The following ULK4 variants were observed in gnomAD, a reference collection of about 807,000 sequenced individuals.
ULK4 encodes the protein unc-51 like kinase 4, also known as inactive serine/threonine-protein kinase ULK4.
ULK4 carries 133 observed loss-of-function variants against 160.6 expected under a neutral mutation model. That is an observed-to-expected ratio of 0.83 (90% CI 0.72 to 0.96). ULK4 has a LOEUF of 0.96. ULK4 is among the 40% of genes least tolerant of loss of function. ULK4 has a pLI of 0.00. For missense variants in ULK4, 1,580 were observed against 1,499.5 expected (o/e 1.05, Z -0.89); for synonymous variants, 534 against 539.8 (o/e 0.99, Z 0.15).
rs2078650694 is a variant in ULK4, at chr3:41,246,733, AG to A, written c.*195del. On this transcript the variant is annotated 3_prime_UTR_variant, in exon 37 of 37. Coordinates refer to ENST00000301831, the MANE Select transcript of ULK4 (RefSeq NM_017886.4). ...TCCCAGATGCATTCCACAGGAACCA[AG>A]GAAGTCCATTCTGAGTCAGTTTTCT... The A allele has an allele frequency of 3.4e-6, 2 of 587,228 alleles. No individual in the cohort carries two copies. Among genetic ancestry groups the A allele is most frequent in the South Asian group, 2.4e-5 (1 of 41,816 alleles). The allele number at this position is 587,228 out of a possible 1,614,324, so 36.4% of individuals were successfully genotyped here. A position where few individuals can be genotyped will look rare whatever the true frequency, so the allele number is the denominator to read the frequency against.
At chr3:41,419,236 C>T (rs2082602156) in intron 34 of ULK4, among the ~76,000 whole-genome samples, 1 of 152,096 alleles carries the variant, frequency 6.6e-6, no homozygotes, top group African/African-American at 2.4e-5. Context: ...TCCATGACAG[C>T]AGTGTGCTCG....
intron 19 of ULK4, among the ~76,000 whole-genome samples, chr3:41,811,771 A>G (rs554496836): frequency 6.6e-6 from 1 of 152,098 alleles, no homozygotes; most frequent in Non-Finnish European, 1.5e-5. Context: ...TTATGATTCT[A>G]CTCAAGAGGA....
chr3:41,751,920 T>C lies in ULK4; in HGVS notation c.2321+2441A>G, dbSNP rs533994885. 1.1e-4 allele frequency among the ~76,000 whole-genome samples: 17 copies of C among 152,210 alleles called. No homozygotes were observed. The South Asian group carries it at 3.3e-3, about 30-fold the overall frequency. ...TATTCAAAATGCAACAGACAAACCATGGGGCTCAAATGGAGTGTGCCCAAA... is the reference window on the plus strand; with the variant it reads ...TATTCAAAATGCAACAGACAAACCACGGGGCTCAAATGGAGTGTGCCCAAA... On this transcript the variant is annotated intron_variant, in intron 22 of 36. Coordinates refer to ENST00000301831, the MANE Select transcript of ULK4 (RefSeq NM_017886.4).
At chr3:41,499,320 G>A (rs781672182) in intron 32 of ULK4, among the ~76,000 whole-genome samples, 9 of 152,160 alleles carry the variant, frequency 5.9e-5, no homozygotes, top group Non-Finnish European at 1.2e-4. Flanking sequence ...ATGAAGAGAA[G>A]AGTGCCTTGC....
At chr3:41,434,325 T>C (rs2082984776) in intron 34 of ULK4, among the ~76,000 whole-genome samples, 1 of 152,300 alleles carries the variant, frequency 6.6e-6, no homozygotes, top group Admixed American at 6.5e-5. Context: ...TTATATGTAC[T>C]GATATGGAAA....
chr3:41,768,194 G>GA (rs1426654329), intron 21 of ULK4, among the ~76,000 whole-genome samples: 1 of 152,142 alleles, frequency 6.6e-6, no homozygotes, highest in Non-Finnish European at 1.5e-5. Flanking sequence ...TGGTCTGCTG[G>GA]AAAAAATTGC....
chr3:41,458,827 C>T (rs113182531), intron 33 of ULK4, among the ~76,000 whole-genome samples: 1,646 of 149,008 alleles, frequency 0.011, 16 homozygotes, highest in Non-Finnish European at 0.016. Context: ...ACGATCTCGG[C>T]TTAGTGCAAC....
At chr3:41,443,438 G>A (rs1239968771) in intron 34 of ULK4, among the ~76,000 whole-genome samples, 1 of 152,168 alleles carries the variant, frequency 6.6e-6, no homozygotes, top group Non-Finnish European at 1.5e-5. Context: ...ATAAATAATG[G>A]ATGCATAGTA....
chr3:41,611,838 T>C (rs2125677802), intron 31 of ULK4, among the ~76,000 whole-genome samples: 1 of 152,186 alleles, frequency 6.6e-6, no homozygotes, highest in Admixed American at 6.5e-5. Flanking sequence ...ATAACCACAG[T>C]ATAAAGCCCT....
At chr3:41,909,494 C>G (rs1006338290) in intron 11 of ULK4, among the ~76,000 whole-genome samples, 7 of 152,102 alleles carry the variant, frequency 4.6e-5, no homozygotes, top group Admixed American at 1.3e-4. Flanking sequence ...GGCAGATCAC[C>G]TGAGCTCAGG....
chr3:41,256,390 G>A (rs1259314442), intron 35 of ULK4, among the ~76,000 whole-genome samples: 1 of 152,158 alleles, frequency 6.6e-6, no homozygotes, highest in African/African-American at 2.4e-5. Context: ...CAGAAGGTCA[G>A]ACACACAGAT....
At position 41,379,536 on chromosome 3, in the gene ULK4, C is replaced by T. The variant is rs148879098; in HGVS notation, c.3678+18543G>A. On this transcript the variant is annotated intron_variant, in intron 35 of 36. Transcript: ENST00000301831. ...GTTAAACAAGCCTCAATAACAATTT[C>T]ATGGCCATCACTGGGATACCGGTCT... 2.6e-5 allele frequency among the ~76,000 whole-genome samples: 4 copies of T among 152,328 alleles called. No homozygotes were observed. In the East Asian group the frequency reaches 5.8e-4, roughly 22 times the overall value.
chr3:41,793,176 A>G (rs2040201947), intron 20 of ULK4, among the ~76,000 whole-genome samples: 1 of 84,842 alleles, frequency 1.2e-5, no homozygotes, highest in Admixed American at 1.3e-4. Flanking sequence ...TCCATCTCAA[A>G]AAAAAAACCA....
intron 30 of ULK4, among the ~76,000 whole-genome samples, chr3:41,619,485 C>T (rs1206224463): frequency 6.6e-6 from 1 of 152,148 alleles, no homozygotes; most frequent in African/African-American, 2.4e-5. Context: ...CACATAACTA[C>T]ATGGAAACTG....
Position 41,916,061 on chromosome 3 carries a change from G to C in ULK4, c.728-9C>G, listed in dbSNP as rs1396460641. The C allele has an allele frequency of 6.5e-7, 1 of 1,544,836 alleles. No homozygotes were observed. Among genetic ancestry groups the C allele is most frequent in the Non-Finnish European group, 8.7e-7 (1 of 1,146,386 alleles). ...TTTAGGACGAGAAGAATCTATAAAT[G>C]AATTAATTTCCAAGAAAAAATGATA... On this transcript the variant is annotated splice_polypyrimidine_tract_variant and intron_variant, in intron 7 of 36. Coordinates refer to ENST00000301831, the MANE Select transcript of ULK4 (RefSeq NM_017886.4).
Position 41,625,042 on chromosome 3 carries a change from G to T in ULK4, c.3072-9325C>A, listed in dbSNP as rs547045256. Reference sequence around the variant, plus strand: ...GTAATTTCAACTGACGGATGTTAAAGCAAGTAAGGAAGAAGGGTGGCTGCA... The same window carrying T: ...GTAATTTCAACTGACGGATGTTAAATCAAGTAAGGAAGAAGGGTGGCTGCA... On this transcript the variant is annotated intron_variant, in intron 30 of 36. Transcript: ENST00000301831. Among the ~76,000 whole-genome samples the T allele has an allele frequency of 7.9e-5, 12 of 152,282 alleles. No individual in the cohort carries two copies. In the East Asian group the frequency reaches 2.3e-3, roughly 29 times the overall value.
intron 35 of ULK4, among the ~76,000 whole-genome samples, chr3:41,305,596 T>C (rs2079894605): frequency 6.6e-6 from 1 of 152,184 alleles, no homozygotes; most frequent in South Asian, 2.1e-4. Flanking sequence ...GCCGCCTGCC[T>C]TGGCCTCCCA....
At chr3:41,696,673 C>G (rs193250216) in intron 27 of ULK4, among the ~76,000 whole-genome samples, 2 of 152,186 alleles carry the variant, frequency 1.3e-5, no homozygotes, top group African/African-American at 4.8e-5. Flanking sequence ...GGGCTGGTCC[C>G]TATAGTCCTG....
intron 35 of ULK4, among the ~76,000 whole-genome samples, chr3:41,346,381 A>G (rs975926457): frequency 3.3e-5 from 5 of 152,112 alleles, no homozygotes; most frequent in African/African-American, 1.2e-4. Context: ...TTTGTCTCAC[A>G]AGGAACCCTA....
Sources: allele counts gnomAD v4.1 joint callset (sites outside exome capture counted in the v4.1 genomes callset), GRCh38; gene constraint gnomAD v4.1.1; transcripts MANE v1.5; gene names NCBI Gene and HGNC (gene_info 2026-07-23, HGNC 2026-07-21).